Variants in SLC24A2 observed in about 807,000 individuals in gnomAD.
SLC24A2 encodes solute carrier family 24 member 2, also known as sodium/potassium/calcium exchanger 2.
In SLC24A2, 36 loss-of-function variants were observed where a neutral mutation model predicts 62.0. That is an observed-to-expected ratio of 0.58 (90% confidence interval 0.44 to 0.77). The LOEUF (loss-of-function observed/expected upper bound fraction) is 0.77, where lower values mean the gene tolerates loss of function less well. Ranked by LOEUF, SLC24A2 falls within the 30% of genes least tolerant of loss-of-function variation. The pLI is 0.00. For synonymous variants in SLC24A2, 358 were observed against 294.0 expected (o/e 1.22, Z -2.23); for missense variants, 846 against 817.9 (o/e 1.03, Z -0.42).
chr9:19,621,288 A>T (rs973939168), intron 3 of SLC24A2, among the ~76,000 whole-genome samples: 2 of 152,210 alleles, frequency 1.3e-5, no homozygotes, highest in Admixed American at 1.3e-4. Context: ...CTGGTGCCTC[A>T]ATGGTGAACC....
the SLC24A2 span, among the ~76,000 whole-genome samples, chr9:19,832,473 G>A: frequency 2.6e-5 from 4 of 152,220 alleles, no homozygotes; most frequent in South Asian, 4.2e-4. Context: ...GGTCAGGGAC[G>A]AAAACAAGAA....
At chr9:20,132,195 C>T in the SLC24A2 span, among the ~76,000 whole-genome samples, 14 of 151,930 alleles carry the variant, frequency 9.2e-5, no homozygotes, top group African/African-American at 2.2e-4. Flanking sequence ...GGAGGGTCCT[C>T]CTTGGTTAGA....
chr9:20,203,530 C>G, the SLC24A2 span, among the ~76,000 whole-genome samples: 1 of 152,166 alleles, frequency 6.6e-6, no homozygotes, highest in Non-Finnish European at 1.5e-5. Flanking sequence ...CCCTTACTAA[C>G]AGTCCATGCT....
At chr9:19,567,429 C>T (rs1053289801) in intron 7 of SLC24A2, among the ~76,000 whole-genome samples, 4 of 150,740 alleles carry the variant, frequency 2.7e-5, no homozygotes, top group African/African-American at 9.8e-5. Flanking sequence ...GCCTGTAGTC[C>T]CAGCTACTTG....
chr9:19,706,009 A>G (rs890647949), intron 2 of SLC24A2, among the ~76,000 whole-genome samples: 1 of 151,920 alleles, frequency 6.6e-6, no homozygotes, highest in African/African-American at 2.4e-5. Flanking sequence ...TGTCTCGTTG[A>G]TCTGTCTAAT....
the SLC24A2 span, among the ~76,000 whole-genome samples, chr9:20,264,539 A>G: frequency 1.3e-5 from 2 of 152,222 alleles, no homozygotes; most frequent in Admixed American, 1.3e-4. Flanking sequence ...TGAAGTATCA[A>G]ACACAATTGG....
the SLC24A2 span, among the ~76,000 whole-genome samples, chr9:19,955,781 A>T: frequency 6.6e-6 from 1 of 152,326 alleles, no homozygotes; most frequent in East Asian, 1.9e-4. Context: ...AAGGAAATCA[A>T]TCAGGATAAC....
chr9:20,259,354 C>T, the SLC24A2 span, among the ~76,000 whole-genome samples: 2 of 152,132 alleles, frequency 1.3e-5, no homozygotes, highest in African/African-American at 4.8e-5. Flanking sequence ...ATTACTATAA[C>T]CATTTTGATA....
upstream of SLC24A2, among the ~76,000 whole-genome samples, chr9:19,790,727 T>C (rs1823308790): frequency 6.6e-6 from 1 of 152,184 alleles, no homozygotes; most frequent in Admixed American, 6.5e-5. Context: ...TCTATACAAA[T>C]TGGACCTCTG....
chr9:20,170,420 A>G, the SLC24A2 span, among the ~76,000 whole-genome samples: 1 of 151,916 alleles, frequency 6.6e-6, no homozygotes, highest in Non-Finnish European at 1.5e-5. Flanking sequence ...TCCCTCCCCC[A>G]TGGGCTGGGG....
chr9:20,145,029 C>T, the SLC24A2 span, among the ~76,000 whole-genome samples: 1 of 152,202 alleles, frequency 6.6e-6, no homozygotes, highest in East Asian at 1.9e-4. Context: ...ATCCACCGAG[C>T]AGCAACTACT....
the SLC24A2 span, among the ~76,000 whole-genome samples, chr9:20,066,474 A>G: frequency 6.6e-6 from 1 of 152,196 alleles, no homozygotes; most frequent in Non-Finnish European, 1.5e-5. Flanking sequence ...GAATTATTCA[A>G]CTGCTAAAAA....
chr9:20,002,629 T>C, the SLC24A2 span, among the ~76,000 whole-genome samples: 60 of 152,292 alleles, frequency 3.9e-4, no homozygotes, highest in African/African-American at 1.3e-3. Flanking sequence ...AGTTGAGAGC[T>C]CACTCTCTTA....
At chr9:19,738,449 G>A (rs1226517836) in intron 2 of SLC24A2, among the ~76,000 whole-genome samples, 1 of 152,094 alleles carries the variant, frequency 6.6e-6, no homozygotes, top group Non-Finnish European at 1.5e-5. Flanking sequence ...TGGTCAGTGG[G>A]TGGATTTGTG....
intron 2 of SLC24A2, among the ~76,000 whole-genome samples, chr9:19,728,253 C>T (rs1212021147): frequency 6.6e-6 from 1 of 151,350 alleles, no homozygotes; most frequent in Non-Finnish European, 1.5e-5. Context: ...GGCAGATGGT[C>T]TCACTTGAGT....
At chr9:20,114,139 G>A in the SLC24A2 span, among the ~76,000 whole-genome samples, 1 of 152,060 alleles carries the variant, frequency 6.6e-6, no homozygotes, top group Non-Finnish European at 1.5e-5. Context: ...AGAGAGAGCT[G>A]AACAGAAAGA....
chr9:20,148,944 C>G, the SLC24A2 span, among the ~76,000 whole-genome samples: 1 of 152,078 alleles, frequency 6.6e-6, no homozygotes, highest in African/African-American at 2.4e-5. Flanking sequence ...AAGTGAAATA[C>G]TTCCAGCAGC....
At chr9:19,960,186 A>G in the SLC24A2 span, among the ~76,000 whole-genome samples, 1 of 152,040 alleles carries the variant, frequency 6.6e-6, no homozygotes, top group South Asian at 2.1e-4. Flanking sequence ...ACACACACAT[A>G]CACACACACA....
At chr9:20,171,881 GA>G in the SLC24A2 span, among the ~76,000 whole-genome samples, 1 of 151,978 alleles carries the variant, frequency 6.6e-6, no homozygotes, top group Non-Finnish European at 1.5e-5. Context: ...AATATTTACA[GA>G]ACATTCTACC....
Sources: gnomAD v4.1 joint callset for allele counts (sites outside exome capture counted in the v4.1 genomes callset) on GRCh38, gnomAD v4.1.1 for gene constraint, MANE v1.5 for transcripts, NCBI Gene and HGNC (gene_info 2026-07-23, HGNC 2026-07-21) for gene names.